The following KIF27 variants were observed in gnomAD, a reference collection of about 807,000 sequenced individuals.
The protein encoded by KIF27 is kinesin family member 27.
A neutral mutation model predicts 141.8 loss-of-function variants in KIF27; 84 were observed. The ratio of observed to expected loss-of-function variants is 0.59; its 90% CI spans 0.50 to 0.71. The LOEUF (loss-of-function observed/expected upper bound fraction) is 0.71, where lower values mean the gene tolerates loss of function less well. KIF27 is among the 30% of genes least tolerant of loss of function. The probability of loss-of-function intolerance (pLI) is 0.00; values close to 1 mark genes in which losing one functional copy is unlikely to be tolerated. For synonymous variants in KIF27, 471 were observed against 569.5 expected, an observed-to-expected ratio of 0.83 and a Z score of 2.46; for missense variants, 1,306 against 1,628.4, an observed-to-expected ratio of 0.80 and a Z score of 3.41.
chr9:83,897,103 A>G (rs1246825547), intron 5 of KIF27, among the ~76,000 whole-genome samples: 2 of 152,092 alleles, frequency 1.3e-5, no homozygotes, highest in Non-Finnish European at 2.9e-5. Context: ...CAATAAAGTA[A>G]TTATTTTAAA....
At chr9:83,848,279 T>G (rs1273405042) in intron 16 of KIF27, among the ~76,000 whole-genome samples, 1 of 110,346 alleles carries the variant, frequency 9.1e-6, no homozygotes, top group Non-Finnish European at 1.7e-5. Flanking sequence ...TCAGATATGA[T>G]ATATATGATA....
rs1243473171 is a variant in KIF27, at chr9:83,920,688, G to A, written c.-88+683C>T. On this transcript the variant is annotated intron_variant, in intron 1 of 17. Coordinates refer to ENST00000297814, the MANE Select transcript of KIF27 (RefSeq NM_017576.4). ...AAGAGTAAAGAAGGGCAAACAACAA[G>A]GATTTTCAACACTGGAGACTTAAAA... 2.0e-5 allele frequency among the ~76,000 whole-genome samples: 3 copies of A among 152,176 alleles called. No individual in the cohort carries two copies. In the South Asian group the frequency reaches 6.2e-4, roughly 31 times the overall value.
intron 8 of KIF27, among the ~76,000 whole-genome samples, chr9:83,888,213 A>AT (rs1952301326): frequency 6.7e-6 from 1 of 149,502 alleles, no homozygotes; most frequent in Non-Finnish European, 1.5e-5. Context: ...AATACAAAGC[A>AT]TATCAATTCA....
intron 1 of KIF27, among the ~76,000 whole-genome samples, chr9:83,920,474 A>C (rs1956143571): frequency 6.6e-6 from 1 of 152,222 alleles, no homozygotes; most frequent in African/African-American, 2.4e-5. Flanking sequence ...TGAATCCCTC[A>C]TGTCATGTCA....
chr9:83,880,194 G>C, intron 11 of KIF27, 103 bp downstream of exon 11: 1 of 1,542,430 alleles, frequency 6.5e-7, no homozygotes, highest in East Asian at 2.3e-5. Context: ...GCAGGTCAAG[G>C]ATAGATACTT....
chr9:83,908,410 C>A (rs1275983664), intron 3 of KIF27, 42 bp downstream of exon 3: 5 of 1,192,318 alleles, frequency 4.2e-6, no homozygotes, highest in South Asian at 1.4e-5. Context: ...TAAAGCATGT[C>A]TGTTTGCTAA....
intron 2 of KIF27, among the ~76,000 whole-genome samples, chr9:83,909,685 G>A (rs992657754): frequency 1.3e-5 from 2 of 151,952 alleles, no homozygotes; most frequent in African/African-American, 4.8e-5. Context: ...ACATTAAGTG[G>A]CACAGGTGGA....
At chr9:83,882,535 GCCCTCAAATGGTAACTACTGT>G (rs1951764758) in intron 10 of KIF27, among the ~76,000 whole-genome samples, 1 of 152,156 alleles carries the variant, frequency 6.6e-6, no homozygotes, top group Admixed American at 6.5e-5. Context: ...GTATGTATAG[GCCCTCAAATGGTAACTACTGT>G]CCTCCTCATC....
At chr9:83,845,203 C>T (rs1488576041) in intron 16 of KIF27, among the ~76,000 whole-genome samples, 1 of 152,186 alleles carries the variant, frequency 6.6e-6, no homozygotes, top group Non-Finnish European at 1.5e-5. Flanking sequence ...CAGCTAACTA[C>T]TCTCCTTTTA....
In KIF27 at chr9:83,915,669, A is replaced by G; in HGVS notation, c.-78T>C. The stretch of plus-strand genomic sequence containing the variant: ...GTGAGAGACTTCCATCTTATGTAAG[A>G]TCTGGATTCCTGTGCAACAAAAATA... On this transcript the variant is annotated 5_prime_UTR_variant, in exon 2 of 18. Transcript: ENST00000297814. The G allele has an allele frequency of 7.4e-7, 1 of 1,344,504 alleles. No individual in the cohort carries two copies. The highest frequency in any genetic ancestry group is 1.0e-6 in the Non-Finnish European group (1 of 985,996). The allele number at this position is 1,344,504 out of a possible 1,614,324, so 83.3% of individuals were successfully genotyped here.
At chr9:83,911,618 A>G (rs1955176600) in intron 2 of KIF27, among the ~76,000 whole-genome samples, 2 of 151,852 alleles carry the variant, frequency 1.3e-5, no homozygotes, top group African/African-American at 2.4e-5. Flanking sequence ...ATCTCAGCTC[A>G]CTGCAGCCTC....
chr9:83,856,636 G>T (rs1429111014), intron 14 of KIF27, among the ~76,000 whole-genome samples: 1 of 151,756 alleles, frequency 6.6e-6, no homozygotes, highest in Non-Finnish European at 1.5e-5. Flanking sequence ...AGCTACTCAG[G>T]TGGCTGAGGC....
intron 17 of KIF27, among the ~76,000 whole-genome samples, chr9:83,838,428 T>C (rs1297906081): frequency 6.6e-6 from 1 of 152,114 alleles, no homozygotes; most frequent in African/African-American, 2.4e-5. Flanking sequence ...AGAGATGGGG[T>C]TTCACCGTGT....
At chr9:83,851,241 C>A (rs1343567023) in intron 15 of KIF27, among the ~76,000 whole-genome samples, 3 of 152,146 alleles carry the variant, frequency 2.0e-5, no homozygotes, top group African/African-American at 7.2e-5. Context: ...CTTTATTTCT[C>A]TAGTCTAAGT....
rs183554308 is a variant in KIF27, at chr9:83,848,249, G to T, written c.3556+1850C>A. ...CAGATATGATATATATGATATATCA[G>T]ATATGATATATATGATATATCAGAT... On this transcript the variant is annotated intron_variant, in intron 16 of 17. Coordinates refer to ENST00000297814, the MANE Select transcript of KIF27 (RefSeq NM_017576.4). 1.4e-3 allele frequency among the ~76,000 whole-genome samples: 110 copies of T among 77,542 alleles called. 9 individuals are homozygous for T. The highest frequency in any genetic ancestry group is 3.5e-3 in the African/African-American group (67 of 19,040). The allele number at this position is 77,542 out of a possible 152,430, so 50.9% of individuals were successfully genotyped here. A position where few individuals can be genotyped will look rare whatever the true frequency, so the allele number is the denominator to read the frequency against.
rs1357351132 is a variant in KIF27, at chr9:83,835,398, A to T, written c.*1603T>A. On this transcript the variant is annotated 3_prime_UTR_variant, in exon 18 of 18. Transcript: ENST00000297814. ...TTTGTAAATTAGTTTTTTGAAATTTAGAAAATAGTATCTCATTGGACCAAT... is the reference window on the plus strand; with the variant it reads ...TTTGTAAATTAGTTTTTTGAAATTTTGAAAATAGTATCTCATTGGACCAAT... 6.6e-6 allele frequency among the ~76,000 whole-genome samples: 1 copy of T among 152,094 alleles called. No individual in the cohort carries two copies. The highest frequency in any genetic ancestry group is 1.5e-5 in the Non-Finnish European group (1 of 68,002).
At position 83,915,637 on chromosome 9, in the gene KIF27, A is replaced by G. The variant is rs1275729319; in HGVS notation, c.-46T>C. ...ATAGATTTTCTATTTAATGTTCAGTATCTAGTGTGAGAGACTTCCATCTTA... is the reference window on the plus strand; with the variant it reads ...ATAGATTTTCTATTTAATGTTCAGTGTCTAGTGTGAGAGACTTCCATCTTA... On this transcript the variant is annotated 5_prime_UTR_variant, in exon 2 of 18. Transcript: ENST00000297814. 1 of 1,486,448 alleles carries G rather than the reference A, an allele frequency of 6.7e-7. No individual in the cohort carries two copies. The highest frequency in any genetic ancestry group is 9.1e-7 in the Non-Finnish European group (1 of 1,104,606). 92.1% of individuals were successfully genotyped at this position (1,486,448 alleles called of 1,614,324 possible). A position where few individuals can be genotyped will look rare whatever the true frequency, so the allele number is the denominator to read the frequency against.
chr9:83,853,502 T>C (rs1248129013), intron 15 of KIF27, 127 bp downstream of exon 15: 1 of 658,572 alleles, frequency 1.5e-6, no homozygotes, highest in African/African-American at 1.8e-5. Context: ...GAAATCATGC[T>C]TAAATTTGTA....
intron 16 of KIF27, among the ~76,000 whole-genome samples, chr9:83,848,274 TATGATATATATGATATATCAG>T (rs1276099519): frequency 1.1e-4 from 12 of 112,196 alleles, no homozygotes; most frequent in South Asian, 5.1e-4. Flanking sequence ...ATATATCAGA[TATGATATATATGATATATCAG>T]ATATGATATA....
Sources: gnomAD v4.1 joint callset for allele counts (sites outside exome capture counted in the v4.1 genomes callset) on GRCh38, gnomAD v4.1.1 for gene constraint, MANE v1.5 for transcripts, NCBI Gene and HGNC (gene_info 2026-07-23, HGNC 2026-07-21) for gene names.